The following TENM2 variants were observed in gnomAD, a reference collection of about 807,000 sequenced individuals.
The protein encoded by TENM2 is teneurin transmembrane protein 2.
A neutral mutation model predicts 245.2 loss-of-function variants in TENM2; 52 were observed. That is an observed-to-expected ratio of 0.21 (90% confidence interval 0.17 to 0.27). The LOEUF (loss-of-function observed/expected upper bound fraction) is 0.27. Among genes scored for constraint, TENM2 ranks in the 10% least tolerant of loss-of-function variants. TENM2 has a pLI of 1.00. For missense variants in TENM2, 3,046 were observed against 3,666.8 expected (o/e 0.83, Z 4.37); for synonymous variants, 1,363 against 1,438.9 (o/e 0.95, Z 1.19).
At chr5:168,189,882 A>G (rs970934845) in intron 13 of TENM2, among the ~76,000 whole-genome samples, 3 of 152,200 alleles carry the variant, frequency 2.0e-5, no homozygotes, top group African/African-American at 4.8e-5. Context: ...TGCTAGGATT[A>G]CAGGTGTGAG....
chr5:168,175,624 G>C (rs974957235), intron 13 of TENM2, among the ~76,000 whole-genome samples: 3 of 152,170 alleles, frequency 2.0e-5, no homozygotes, highest in Non-Finnish European at 4.4e-5. Context: ...TTGGAGCCCA[G>C]TTCTTTTGAT....
intron 2 of TENM2, among the ~76,000 whole-genome samples, chr5:167,710,732 T>C (rs758069851): frequency 6.6e-5 from 10 of 152,168 alleles, no homozygotes; most frequent in African/African-American, 2.4e-5. Flanking sequence ...CCTGAGGGCA[T>C]TGGGAAACCA....
chr5:167,419,131 A>AGATG (rs1390154005), intron 2 of TENM2, among the ~76,000 whole-genome samples: 3 of 151,568 alleles, frequency 2.0e-5, no homozygotes, highest in Non-Finnish European at 4.4e-5. Flanking sequence ...ATGTGTATGT[A>AGATG]GATAGATAGA....
chr5:167,119,425 C>T, the TENM2 span: 1 of 152,206 alleles, frequency 6.6e-6, no homozygotes, highest in Non-Finnish European at 1.5e-5. Flanking sequence ...TCTAATCAAA[C>T]ACCTGAGATT....
At chr5:167,808,375 T>C (rs1206769398) in intron 2 of TENM2, among the ~76,000 whole-genome samples, 6 of 152,202 alleles carry the variant, frequency 3.9e-5, no homozygotes, top group African/African-American at 1.4e-4. Flanking sequence ...TTTTCCTGCC[T>C]CAGCCTTTCA....
At chr5:168,227,854 A>AATTT (rs1377253115) in intron 24 of TENM2, 41 bp from the exon 27 acceptor site, 2 of 1,319,984 alleles carry the variant, frequency 1.5e-6, no homozygotes, top group Non-Finnish European at 2.1e-6. Flanking sequence ...TAGAGCGGAT[A>AATTT]ATTTATTTCC....
At chr5:168,023,667 G>C (rs1052293852) in intron 5 of TENM2, among the ~76,000 whole-genome samples, 1 of 152,222 alleles carries the variant, frequency 6.6e-6, no homozygotes, top group Non-Finnish European at 1.5e-5. Flanking sequence ...CAGATCCAGA[G>C]CCATCAGACA....
the TENM2 span, among the ~76,000 whole-genome samples, chr5:167,040,169 C>T: frequency 2.0e-5 from 3 of 152,056 alleles, no homozygotes; most frequent in Non-Finnish European, 4.4e-5. Context: ...TGCCCTATTT[C>T]TGTGCTCTGC....
chr5:167,415,139 A>C (rs2127412313), intron 2 of TENM2, among the ~76,000 whole-genome samples: 1 of 152,242 alleles, frequency 6.6e-6, no homozygotes. Flanking sequence ...ATCTAGGTGC[A>C]AAGTTGGCTG....
the TENM2 span, among the ~76,000 whole-genome samples, chr5:167,081,739 G>A: frequency 6.6e-6 from 1 of 152,150 alleles, no homozygotes; most frequent in African/African-American, 2.4e-5. Context: ...TGTTACACAG[G>A]AATTGATATG....
At chr5:167,588,464 A>G (rs1775656221) in intron 2 of TENM2, among the ~76,000 whole-genome samples, 1 of 152,238 alleles carries the variant, frequency 6.6e-6, no homozygotes, top group Admixed American at 6.5e-5. Flanking sequence ...GAATGTAATT[A>G]TGTAGTGACC....
intron 15 of TENM2, among the ~76,000 whole-genome samples, chr5:168,196,487 G>T (rs896450287): frequency 1.3e-5 from 2 of 152,164 alleles, no homozygotes; most frequent in Non-Finnish European, 2.9e-5. Flanking sequence ...TTGAGACGGA[G>T]TCTCACTCTT....
chr5:167,308,317 T>C (rs980855313), intron 1 of TENM2, among the ~76,000 whole-genome samples: 3 of 152,188 alleles, frequency 2.0e-5, no homozygotes, highest in African/African-American at 7.2e-5. Flanking sequence ...GCCAGAGTCA[T>C]CTTCTGTACA....
At chr5:167,972,836 C>T (rs1583527690) in intron 4 of TENM2, among the ~76,000 whole-genome samples, 2 of 152,164 alleles carry the variant, frequency 1.3e-5, no homozygotes, top group East Asian at 3.9e-4. Flanking sequence ...CTAGAAATGC[C>T]AATACCTCTT....
chr5:167,479,459 T>G (rs1032465727), intron 2 of TENM2, among the ~76,000 whole-genome samples: 8 of 152,232 alleles, frequency 5.3e-5, no homozygotes, highest in Non-Finnish European at 1.2e-4. Context: ...ATCCAGATTA[T>G]TTTAATATAC....
At chr5:168,213,375 T>G (rs976623046) in intron 20 of TENM2, among the ~76,000 whole-genome samples, 1 of 152,190 alleles carries the variant, frequency 6.6e-6, no homozygotes, top group African/African-American at 2.4e-5. Context: ...TTCTTTTTTT[T>G]CCTTAAATCA....
intron 2 of TENM2, among the ~76,000 whole-genome samples, chr5:167,825,497 T>C (rs1180436568): frequency 6.6e-6 from 1 of 152,084 alleles, no homozygotes; most frequent in African/African-American, 2.4e-5. Flanking sequence ...GCAGTAGCCA[T>C]CTCCTTTTCA....
chr5:167,973,499 G>A (rs1016335319), intron 4 of TENM2, among the ~76,000 whole-genome samples: 3 of 152,204 alleles, frequency 2.0e-5, no homozygotes, highest in Non-Finnish European at 4.4e-5. Context: ...TCTAGTGGGA[G>A]AAAGGTCACA....
the TENM2 span, among the ~76,000 whole-genome samples, chr5:167,254,956 CAGG>C: frequency 6.6e-6 from 1 of 151,906 alleles, no homozygotes; most frequent in Non-Finnish European, 1.5e-5. Context: ...GGTGTGATAA[CAGG>C]AGATGTCAGA....
Sources: gnomAD v4.1 joint callset for allele counts (sites outside exome capture counted in the v4.1 genomes callset) on GRCh38, gnomAD v4.1.1 for gene constraint, MANE v1.5 for transcripts, NCBI Gene and HGNC (gene_info 2026-07-23, HGNC 2026-07-21) for gene names.